SCML4: variants seen among roughly 807,000 people sequenced by gnomAD.
SCML4 encodes the protein sex comb on midleg-like protein 4.
SCML4 carries 34 observed loss-of-function variants against 41.1 expected under a neutral mutation model. That is an observed-to-expected ratio of 0.83 (90% confidence interval 0.63 to 1.10). The LOEUF is 1.10. Ranked by LOEUF, SCML4 falls within the 50% of genes least tolerant of loss-of-function variation. The pLI is 0.00. For synonymous variants in SCML4, 214 were observed against 220.9 expected, an observed-to-expected ratio of 0.97 and a Z score of 0.28; for missense variants, 522 against 534.1, an observed-to-expected ratio of 0.98 and a Z score of 0.22.
At chr6:107,841,156 T>TAA in the SCML4 span, among the ~76,000 whole-genome samples, 1,999 of 149,010 alleles carry the variant, frequency 0.013, 42 homozygotes, top group African/African-American at 0.047. Context: ...TATAAACTGC[T>TAA]AAAAAAAAAA....
At chr6:107,819,323 G>A (rs1011240706) in intron 1 of SCML4, among the ~76,000 whole-genome samples, 1 of 102,370 alleles carries the variant, frequency 9.8e-6, no homozygotes, top group Non-Finnish European at 2.3e-5. Flanking sequence ...AAACAATGAG[G>A]GCTTCTCTAT....
chr6:107,793,950 C>T (rs1278140453), intron 1 of SCML4, among the ~76,000 whole-genome samples: 1 of 152,030 alleles, frequency 6.6e-6, no homozygotes, highest in Non-Finnish European at 1.5e-5. Flanking sequence ...CAAAACAAAA[C>T]TAAACTAAAC....
intron 6 of SCML4, among the ~76,000 whole-genome samples, chr6:107,711,259 T>C (rs1774180914): frequency 6.6e-6 from 1 of 152,212 alleles, no homozygotes; most frequent in African/African-American, 2.4e-5. Context: ...TGGTGAAAAA[T>C]ACAAATGTGA....
At chr6:107,800,485 G>T (rs1430479549) in intron 1 of SCML4, among the ~76,000 whole-genome samples, 1 of 151,986 alleles carries the variant, frequency 6.6e-6, no homozygotes. Context: ...AGGAGTCCCA[G>T]GATGCAAAAA....
intron 1 of SCML4, among the ~76,000 whole-genome samples, chr6:107,780,422 A>G (rs567935919): frequency 1.3e-5 from 2 of 152,326 alleles, no homozygotes; most frequent in South Asian, 4.1e-4. Context: ...AAATAAATCC[A>G]GGAGGCTGAG....
At chr6:107,813,612 G>A (rs181847334) in intron 1 of SCML4, among the ~76,000 whole-genome samples, 30 of 151,642 alleles carry the variant, frequency 2.0e-4, no homozygotes, top group Non-Finnish European at 3.7e-4. Context: ...GCGAATCTTT[G>A]GCTACTTTTT....
At chr6:107,837,347 G>A in the SCML4 span, among the ~76,000 whole-genome samples, 1 of 152,240 alleles carries the variant, frequency 6.6e-6, no homozygotes. Flanking sequence ...GTCTTGGTGT[G>A]TTTGGGGGAT....
chr6:107,792,016 C>T (rs1056909412), intron 1 of SCML4, among the ~76,000 whole-genome samples: 2 of 152,086 alleles, frequency 1.3e-5, no homozygotes, highest in African/African-American at 4.8e-5. Context: ...ACTAGATTTA[C>T]TTTGGGGGAA....
chr6:107,782,815 T>C (rs563020163), intron 1 of SCML4, among the ~76,000 whole-genome samples: 1 of 138,420 alleles, frequency 7.2e-6, no homozygotes, highest in East Asian at 2.3e-4. Context: ...GAGGTGCTGG[T>C]CTGAGTTTGC....
intron 1 of SCML4, among the ~76,000 whole-genome samples, chr6:107,802,777 T>C: frequency 6.9e-6 from 1 of 144,440 alleles, no homozygotes; most frequent in South Asian, 2.2e-4. Context: ...CTTTCCACGG[T>C]CTCCCCCTGA....
intron 5 of SCML4, chr6:107,744,164 T>C (rs929780270): frequency 2.6e-5 from 4 of 152,224 alleles, no homozygotes; most frequent in Admixed American, 1.3e-4. Flanking sequence ...GCAACATTTC[T>C]ACCCATCCTT....
At chr6:107,748,618 G>A (rs533351204) in intron 3 of SCML4, among the ~76,000 whole-genome samples, 15 of 152,204 alleles carry the variant, frequency 9.9e-5, no homozygotes, top group Non-Finnish European at 1.6e-4. Context: ...AATCTAATAA[G>A]AGACCTTCAT....
intron 5 of SCML4, 131 bp from the exon 6 acceptor site, chr6:107,721,124 T>A (rs1775367107): frequency 2.6e-6 from 3 of 1,155,220 alleles, no homozygotes; most frequent in South Asian, 1.8e-5. Context: ...AGAGGAGAAA[T>A]GAACCTCACA....
intron 5 of SCML4, among the ~76,000 whole-genome samples, chr6:107,743,421 T>C (rs1313628743): frequency 6.6e-6 from 1 of 152,236 alleles, no homozygotes; most frequent in Admixed American, 6.5e-5. Flanking sequence ...GTGTGTTCAA[T>C]GTAACAATGA....
upstream of SCML4, among the ~76,000 whole-genome samples, chr6:107,824,500 GTGTGTGT>G (rs1785171121): frequency 7.1e-6 from 1 of 141,228 alleles, no homozygotes; most frequent in African/African-American, 3.0e-5. Context: ...GTGTGTGTGT[GTGTGTGT>G]GTGTGTGTGT....
At position 107,725,992 on chromosome 6, in the gene SCML4, G is replaced by T. The variant is rs560794582; in HGVS notation, c.683-4999C>A. On this transcript the variant is annotated intron_variant, in intron 5 of 7. Transcript: ENST00000369020. ...CTTGGGAGGCTGAGGCATGAGAATT[G>T]CTTGAACCTGGGAGGCAGAGGTTGC... 2.0e-5 allele frequency among the ~76,000 whole-genome samples: 3 copies of T among 149,122 alleles called. No individual in the cohort carries two copies. The South Asian group carries it at 6.5e-4, about 32-fold the overall frequency.
At chr6:107,824,597 A>G (rs9486729), upstream of SCML4, among the ~76,000 whole-genome samples, 38,755 of 151,254 alleles carry the variant, frequency 0.26, 6,846 homozygotes, top group African/African-American at 0.51. Flanking sequence ...AGGTAATGAC[A>G]CTTCTGCTTC....
At position 107,793,178 on chromosome 6, in the gene SCML4, C is replaced by G. The variant is rs201009659; in HGVS notation, c.-59-20792G>C. Reference sequence around the variant, plus strand: ...ATCCCCATCTCCTGTGTAGCCCTCTCTCCCCCTGTATGAAGGGTGAGGGTA... The same window carrying G: ...ATCCCCATCTCCTGTGTAGCCCTCTGTCCCCCTGTATGAAGGGTGAGGGTA... On this transcript the variant is annotated intron_variant, in intron 1 of 7. Coordinates refer to ENST00000369020, the MANE Select transcript of SCML4 (RefSeq NM_198081.5). Among the ~76,000 whole-genome samples, 6 of 152,318 alleles carry G rather than the reference C, an allele frequency of 3.9e-5. No homozygotes were observed. The East Asian group carries it at 1.2e-3, about 29-fold the overall frequency.
At chr6:107,711,973 A>G (rs1774263905) in intron 6 of SCML4, among the ~76,000 whole-genome samples, 1 of 152,086 alleles carries the variant, frequency 6.6e-6, no homozygotes, top group Non-Finnish European at 1.5e-5. Flanking sequence ...ATTGACTTTG[A>G]GATCTTCCCT....
Sources: allele counts gnomAD v4.1 joint callset (sites outside exome capture counted in the v4.1 genomes callset), GRCh38; gene constraint gnomAD v4.1.1; transcripts MANE v1.5; gene names NCBI Gene and HGNC (gene_info 2026-07-23, HGNC 2026-07-21).